Variants in KCNH1 observed in about 807,000 individuals in gnomAD.
KCNH1 encodes voltage-gated delayed rectifier potassium channel KCNH1.
Under a neutral mutation model 69.2 loss-of-function variants are expected in KCNH1, and 27 were observed. That is an observed-to-expected ratio of 0.39 (90% confidence interval 0.29 to 0.54). The LOEUF is 0.54. Among genes scored for constraint, KCNH1 ranks in the 20% least tolerant of loss-of-function variants. The pLI, the probability that KCNH1 is intolerant of heterozygous loss-of-function variation, is 0.68. For synonymous variants in KCNH1, 456 were observed against 487.7 expected, an observed-to-expected ratio of 0.93 and a Z score of 0.86; for missense variants, 798 against 1,261.6, an observed-to-expected ratio of 0.63 and a Z score of 5.57.
intron 6 of KCNH1, among the ~76,000 whole-genome samples, chr1:210,971,021 C>G (rs542775052): frequency 6.6e-6 from 1 of 152,066 alleles, no homozygotes; most frequent in Admixed American, 6.6e-5. Flanking sequence ...GACATTTATG[C>G]GGCCAATAAA....
At chr1:210,933,892 C>A (rs1427991760) in intron 6 of KCNH1, among the ~76,000 whole-genome samples, 1 of 152,012 alleles carries the variant, frequency 6.6e-6, no homozygotes, top group African/African-American at 2.4e-5. Context: ...GTATTTACAC[C>A]CAATTTATTT....
chr1:211,073,321 G>GGA, intron 5 of KCNH1, among the ~76,000 whole-genome samples: 1 of 152,142 alleles, frequency 6.6e-6, no homozygotes. Flanking sequence ...GATTTAGCAG[G>GGA]CAGAAAATCA....
At chr1:210,750,522 G>C (rs17016861) in intron 10 of KCNH1, among the ~76,000 whole-genome samples, 1,647 of 152,238 alleles carry the variant, frequency 0.011, 76 homozygotes, top group Admixed American at 0.074. Context: ...CCCAGGACAA[G>C]GTTTAAGAAT....
chr1:211,029,098 A>G (rs1010007649), intron 5 of KCNH1, among the ~76,000 whole-genome samples: 5 of 146,378 alleles, frequency 3.4e-5, no homozygotes, highest in Admixed American at 2.8e-4. Flanking sequence ...TGAGAGGCTG[A>G]GGTAAGATGA....
chr1:211,114,199 G>C (rs553923950), intron 1 of KCNH1, among the ~76,000 whole-genome samples: 37 of 152,138 alleles, frequency 2.4e-4, no homozygotes, highest in Middle Eastern at 3.4e-3. Flanking sequence ...GAAAAATAGG[G>C]CTCTCCATCC....
At chr1:210,802,047 T>C (rs1308259411) in intron 8 of KCNH1, among the ~76,000 whole-genome samples, 1 of 152,230 alleles carries the variant, frequency 6.6e-6, no homozygotes, top group African/African-American at 2.4e-5. Context: ...GGGCCTCTTG[T>C]GCTTACCCCC....
intron 6 of KCNH1, among the ~76,000 whole-genome samples, chr1:211,012,288 C>T (rs1291621794): frequency 1.3e-5 from 2 of 152,270 alleles, no homozygotes; most frequent in East Asian, 3.9e-4. Flanking sequence ...GGTCAGCCTG[C>T]ATCCTGGGGT....
At chr1:211,062,225 C>T (rs1490223403) in intron 5 of KCNH1, among the ~76,000 whole-genome samples, 1 of 152,130 alleles carries the variant, frequency 6.6e-6, no homozygotes, top group Admixed American at 6.6e-5. Context: ...AAAGAACAGT[C>T]TCTTCAACAA....
At chr1:211,109,799 AG>A (rs1691424477) in intron 1 of KCNH1, among the ~76,000 whole-genome samples, 1 of 152,122 alleles carries the variant, frequency 6.6e-6, no homozygotes, top group African/African-American at 2.4e-5. Context: ...GCAATATTAT[AG>A]GAAACAGAGA....
intron 6 of KCNH1, among the ~76,000 whole-genome samples, chr1:210,968,043 G>C (rs1357727066): frequency 6.7e-6 from 1 of 150,136 alleles, no homozygotes; most frequent in Non-Finnish European, 1.5e-5. Context: ...ACAGTCCCCA[G>C]AGTGTGATAT....
chr1:210,956,114 G>C (rs535723171), intron 6 of KCNH1, among the ~76,000 whole-genome samples: 2 of 152,248 alleles, frequency 1.3e-5, no homozygotes, highest in African/African-American at 2.4e-5. Flanking sequence ...TGGCATGAAG[G>C]GCTGTTGAAT....
intron 10 of KCNH1, among the ~76,000 whole-genome samples, chr1:210,688,981 TA>T (rs1266305838): frequency 6.6e-6 from 1 of 152,226 alleles, no homozygotes; most frequent in African/African-American, 2.4e-5. Flanking sequence ...CAGGGGCATA[TA>T]TTTTTCTAGC....
chr1:210,998,238 C>A (rs1689092825), intron 6 of KCNH1, among the ~76,000 whole-genome samples: 1 of 152,132 alleles, frequency 6.6e-6, no homozygotes. Flanking sequence ...AGAGTCAAGA[C>A]CTATCAGTGT....
intron 1 of KCNH1, among the ~76,000 whole-genome samples, chr1:211,131,038 T>A (rs1461208507): frequency 6.6e-6 from 1 of 151,968 alleles, no homozygotes; most frequent in Non-Finnish European, 1.5e-5. Context: ...GAGGAAAGGG[T>A]TTTTGCATGG....
intron 5 of KCNH1, among the ~76,000 whole-genome samples, chr1:211,079,014 A>C (rs1360670984): frequency 1.3e-5 from 2 of 152,008 alleles, no homozygotes; most frequent in South Asian, 2.1e-4. Flanking sequence ...TCAAAAAATC[A>C]ATGAATCCAG....
intron 5 of KCNH1, among the ~76,000 whole-genome samples, chr1:211,029,166 C>CAAAAA (rs34291308): frequency 3.8e-5 from 2 of 52,690 alleles, no homozygotes; most frequent in African/African-American, 6.7e-5. Context: ...CCCATCTCTA[C>CAAAAA]AAAAAAAAAA....
intron 1 of KCNH1, among the ~76,000 whole-genome samples, chr1:211,112,516 A>C (rs4633331): frequency 0.66 from 97,561 of 146,810 alleles, 32,638 homozygotes; most frequent in African/African-American, 0.77. Flanking sequence ...AAAAAAAAAA[A>C]AAAAAAACAA....
intron 5 of KCNH1, among the ~76,000 whole-genome samples, chr1:211,077,468 A>C (rs2102462779): frequency 6.6e-6 from 1 of 152,330 alleles, no homozygotes; most frequent in South Asian, 2.1e-4. Context: ...ATTCTTAAAG[A>C]AAATAATTTT....
intron 7 of KCNH1, among the ~76,000 whole-genome samples, chr1:210,881,714 T>C (rs923739051): frequency 6.6e-6 from 1 of 152,116 alleles, no homozygotes; most frequent in Non-Finnish European, 1.5e-5. Flanking sequence ...AAGAAATGAG[T>C]TATGAAGCCA....
Sources: allele counts gnomAD v4.1 joint callset (sites outside exome capture counted in the v4.1 genomes callset), GRCh38; gene constraint gnomAD v4.1.1; transcripts MANE v1.5; gene names NCBI Gene and HGNC (gene_info 2026-07-23, HGNC 2026-07-21).